Variants in KCNMA1 observed in about 807,000 individuals in gnomAD.
KCNMA1 encodes potassium calcium-activated channel subfamily M alpha 1, also known as Calcium-activated potassium channel subunit alpha-1.
Under a neutral mutation model 140.0 loss-of-function variants are expected in KCNMA1, and 29 were observed. The observed-to-expected ratio is 0.21, with a 90% CI of 0.15 to 0.28. The LOEUF is 0.28. Among genes scored for constraint, KCNMA1 ranks in the 10% least tolerant of loss-of-function variants. The pLI, the probability that KCNMA1 is intolerant of heterozygous loss-of-function variation, is 1.00. For missense variants in KCNMA1, 880 were observed against 1,602.2 expected (o/e 0.55, Z 7.70); for synonymous variants, 612 against 611.9 (o/e 1.00, Z 0.00).
chr10:77,619,565 T>A (rs1340440776), intron 1 of KCNMA1, among the ~76,000 whole-genome samples: 1 of 152,032 alleles, frequency 6.6e-6, no homozygotes, highest in African/African-American at 2.4e-5. Flanking sequence ...CCCAAGAGGA[T>A]GAACGTGAGG....
intron 5 of KCNMA1, among the ~76,000 whole-genome samples, chr10:77,148,042 T>G (rs2098342075): frequency 6.6e-6 from 1 of 152,166 alleles, no homozygotes; most frequent in Admixed American, 6.5e-5. Context: ...CTTTTGGGAC[T>G]GACCCTGCCT....
chr10:77,471,742 C>T (rs368683698), intron 1 of KCNMA1, among the ~76,000 whole-genome samples: 11 of 151,014 alleles, frequency 7.3e-5, no homozygotes, highest in African/African-American at 1.5e-4. Context: ...CACACATACA[C>T]GCATTGTCCA....
At chr10:77,100,045 C>T (rs1268227120) in intron 9 of KCNMA1, among the ~76,000 whole-genome samples, 1 of 152,120 alleles carries the variant, frequency 6.6e-6, no homozygotes, top group African/African-American at 2.4e-5. Flanking sequence ...GAATAAAATT[C>T]CTGAAAAAAG....
intron 2 of KCNMA1, among the ~76,000 whole-genome samples, chr10:77,254,224 C>T (rs1197996790): frequency 2.8e-5 from 4 of 140,458 alleles, no homozygotes; most frequent in African/African-American, 7.9e-5. Context: ...GAAATATACT[C>T]TTTTTTTTTT....
At chr10:77,596,951 G>A (rs1475608387) in intron 1 of KCNMA1, among the ~76,000 whole-genome samples, 1 of 152,196 alleles carries the variant, frequency 6.6e-6, no homozygotes, top group Non-Finnish European at 1.5e-5. Context: ...AGAGGGCAAA[G>A]CCAGGCAACT....
intron 20 of KCNMA1, among the ~76,000 whole-genome samples, chr10:76,958,111 G>T (rs2069144027): frequency 6.6e-6 from 1 of 152,186 alleles, no homozygotes; most frequent in African/African-American, 2.4e-5. Flanking sequence ...ACACTGCTGT[G>T]ATCCAGGGAG....
chr10:77,494,228 A>G (rs816852), intron 1 of KCNMA1, among the ~76,000 whole-genome samples: 81,804 of 152,106 alleles, frequency 0.54, 22,255 homozygotes, highest in East Asian at 0.79. Context: ...TCTGTGCTTA[A>G]TCTGGCATTT....
At chr10:77,188,668 G>A (rs904205139) in intron 3 of KCNMA1, among the ~76,000 whole-genome samples, 3 of 152,172 alleles carry the variant, frequency 2.0e-5, no homozygotes, top group African/African-American at 7.2e-5. Flanking sequence ...CTCTACAGAG[G>A]AAAATGAGAC....
intron 23 of KCNMA1, among the ~76,000 whole-genome samples, chr10:76,933,588 C>T (rs988941935): frequency 1.3e-5 from 2 of 152,176 alleles, no homozygotes; most frequent in African/African-American, 4.8e-5. Context: ...ACATGCCTGT[C>T]GGAACCTTTA....
chr10:77,439,087 A>AAAGGAG (rs1178679365), intron 1 of KCNMA1, among the ~76,000 whole-genome samples: 2 of 124,848 alleles, frequency 1.6e-5, no homozygotes, highest in African/African-American at 6.1e-5. Flanking sequence ...AAAGAAAAGA[A>AAAGGAG]AAGAGAAGAG....
chr10:76,874,234 T>C (rs2031941789), downstream of KCNMA1: 1 of 152,202 alleles, frequency 6.6e-6, no homozygotes, highest in Non-Finnish European at 1.5e-5. Context: ...ACCTATTCTA[T>C]GTCCAGAGCA....
chr10:77,382,877 A>AT (rs2095444571), intron 2 of KCNMA1, among the ~76,000 whole-genome samples: 1 of 129,866 alleles, frequency 7.7e-6, no homozygotes, highest in Non-Finnish European at 1.6e-5. Context: ...AAAAAAAAAA[A>AT]AAAAAAAAAT....
rs577937481 is a variant in KCNMA1 at position 76,933,557 on chromosome 10, T to C, written c.2902+11216A>G. On this transcript the variant is annotated intron_variant, in intron 23 of 27. Transcript: ENST00000286628. ...CCTTTCCTGTTTCTGTGCCTTCTGT[T>C]ACTCAGCTTCAGCCCTTTCCACATG... Among the ~76,000 whole-genome samples the C allele has an allele frequency of 9.7e-4, 148 of 152,320 alleles. 1 individual carries two copies. Among genetic ancestry groups the C allele is most frequent in the Middle Eastern group, 3.4e-3 (1 of 294 alleles).
chr10:77,194,744 A>G lies in KCNMA1; in HGVS notation c.603-9828T>C, dbSNP rs560319539. Among the ~76,000 whole-genome samples the G allele has an allele frequency of 3.3e-5, 5 of 152,072 alleles. No homozygotes were observed. In the East Asian group the frequency reaches 7.7e-4, roughly 24 times the overall value. ...CTGCACTCAAGCAGAATGGCACACA[A>G]GCCCCTCAGCAGGGCACTCAAGGTC... On this transcript the variant is annotated intron_variant, in intron 3 of 27. Coordinates refer to ENST00000286628, the MANE Select transcript of KCNMA1 (RefSeq NM_001161352.2).
At chr10:77,446,155 G>T (rs1011173677) in intron 1 of KCNMA1, among the ~76,000 whole-genome samples, 3 of 152,172 alleles carry the variant, frequency 2.0e-5, no homozygotes, top group African/African-American at 7.2e-5. Flanking sequence ...TGAAACTTCT[G>T]TTCGGTGTCC....
rs1366149002 is a variant in KCNMA1, at chr10:76,889,549, A to G, written c.3363T>C (p.Asp1121=). ...ATGTTTTCAGAGCTTTGCAGAACAG[A>G]TCACCATAACAACCACCATCCTGGG... The part of the protein sequence containing the change: ...ADLGDGGCYG[D]LFCKALKTYN... Residue 1121 remains aspartate, a synonymous_variant, in exon 27 of 28, where the codon GAT becomes GAC. Transcript: ENST00000286628. 7 of 1,613,592 alleles carry G rather than the reference A, an allele frequency of 4.3e-6. No individual in the cohort carries two copies. The highest frequency in any genetic ancestry group is 5.9e-6 in the Non-Finnish European group (7 of 1,179,620).
chr10:77,233,424 A>G (rs925611633), intron 3 of KCNMA1, among the ~76,000 whole-genome samples: 5 of 152,230 alleles, frequency 3.3e-5, no homozygotes, highest in African/African-American at 7.2e-5. Flanking sequence ...ATTTTTATTA[A>G]CCTCTAATTC....
In KCNMA1 at chr10:76,886,676, G is replaced by T; in HGVS notation, c.*590C>A. On this transcript the variant is annotated 3_prime_UTR_variant, in exon 28 of 28. Transcript: ENST00000286628. ...CACTGATGTTCTCTTGCAACAAGCA[G>T]GTCCTTCATAATCATCTACACAAAT... 1.0e-6 allele frequency: 1 copy of T among 994,500 alleles called. No individual in the cohort carries two copies. The highest frequency in any genetic ancestry group is 1.2e-6 in the Non-Finnish European group (1 of 835,108). 61.6% of individuals were successfully genotyped at this position (994,500 alleles called of 1,614,324 possible). A position where few individuals can be genotyped will look rare whatever the true frequency, so the allele number is the denominator to read the frequency against.
chr10:77,043,210 T>C (rs2094839155), intron 14 of KCNMA1, among the ~76,000 whole-genome samples: 1 of 152,240 alleles, frequency 6.6e-6, no homozygotes, highest in African/African-American at 2.4e-5. Context: ...ACTGAATAAA[T>C]GCTGGAGCAT....
Sources: allele counts gnomAD v4.1 joint callset (sites outside exome capture counted in the v4.1 genomes callset), GRCh38; gene constraint gnomAD v4.1.1; transcripts MANE v1.5; gene names NCBI Gene and HGNC (gene_info 2026-07-23, HGNC 2026-07-21).